AMMECR1L: variants seen among roughly 807,000 people sequenced by gnomAD.
AMMECR1L encodes AMMECR1 like.
Under a neutral mutation model 36.8 loss-of-function variants are expected in AMMECR1L, and 4 were observed. The observed-to-expected ratio is 0.11, with a 90% confidence interval of 0.05 to 0.25. The LOEUF (loss-of-function observed/expected upper bound fraction) is 0.25, where lower values mean the gene tolerates loss of function less well. AMMECR1L is among the 10% of genes least tolerant of loss of function. AMMECR1L has a pLI of 1.00. For missense variants in AMMECR1L, 232 were observed against 392.1 expected (o/e 0.59, Z 3.45); for synonymous variants, 147 against 148.0 (o/e 0.99, Z 0.05).
Position 127,865,347 on chromosome 2 carries a change from TGAAA to T in AMMECR1L, c.822-146_822-143del. 1 of 533,966 alleles carries T rather than the reference TGAAA, an allele frequency of 1.9e-6. No individual in the cohort carries two copies. The highest frequency in any genetic ancestry group is 3.2e-5 in the East Asian group (1 of 30,876). 33.1% of individuals were successfully genotyped at this position (533,966 alleles called of 1,614,324 possible). On this transcript the variant is annotated intron_variant, in intron 7 of 7. Transcript: ENST00000272647. The surrounding 1 kb of genome is among the most constrained non-coding windows in gnomAD (Gnocchi z 5.4). The stretch of plus-strand genomic sequence containing the variant: ...CAAGAGCAATCTTACTTACAGAAAA[TGAAA>T]GACAGCACAAGAAAACAATGTTGTT...
chr2:127,865,768 C>G lies in AMMECR1L; in HGVS notation c.822-563G>C, dbSNP rs923442484. On this transcript the variant is annotated intron_variant, in intron 7 of 7. Coordinates refer to ENST00000272647, the MANE Select transcript of AMMECR1L (RefSeq NM_001199140.2). This position sits in a 1 kb window ranked among gnomAD's most constrained non-coding sequence, Gnocchi z 5.4. ...CACTCCCCAGATGAATATGCCATAT[C>G]ACAGGGTCGTCAGAACAGAATTCAT... Among the ~76,000 whole-genome samples the G allele has an allele frequency of 2.0e-5, 3 of 152,228 alleles. No individual in the cohort carries two copies. Among genetic ancestry groups the G allele is most frequent in the African/African-American group, 7.2e-5 (3 of 41,440 alleles).
intron 2 of AMMECR1L, among the ~76,000 whole-genome samples, chr2:127,878,714 C>A (rs979247325): frequency 3.3e-5 from 5 of 152,150 alleles, no homozygotes; most frequent in African/African-American, 4.8e-5. Flanking sequence ...GTTTACAGTT[C>A]CCCAACATCT....
Position 127,869,349 on chromosome 2 carries a change from C to A in AMMECR1L, c.724+105G>T. 1 of 1,097,298 alleles carries A rather than the reference C, an allele frequency of 9.1e-7. No individual in the cohort carries two copies. The highest frequency in any genetic ancestry group is 1.4e-6 in the Non-Finnish European group (1 of 724,682). The allele number at this position is 1,097,298 out of a possible 1,614,324, so 68.0% of individuals were successfully genotyped here. On this transcript the variant is annotated intron_variant, in intron 6 of 7. Transcript: ENST00000272647. The surrounding 1 kb of genome is among the most constrained non-coding windows in gnomAD (Gnocchi z 4.7). Reference sequence around the variant, plus strand: ...ATTAAGAGGCAGAAAGGCCCTCATTCTCAGCTGCAGTTGGGCTGCAAGATG... The same window carrying A: ...ATTAAGAGGCAGAAAGGCCCTCATTATCAGCTGCAGTTGGGCTGCAAGATG...
chr2:127,876,746 C>T (rs942944401), intron 2 of AMMECR1L, among the ~76,000 whole-genome samples: 1 of 151,996 alleles, frequency 6.6e-6, no homozygotes, highest in South Asian at 2.1e-4. Flanking sequence ...GGCCAGGCGC[C>T]CTGGCTCACG....
At chr2:127,883,223 A>G (rs1691598950) in intron 2 of AMMECR1L, among the ~76,000 whole-genome samples, 1 of 151,898 alleles carries the variant, frequency 6.6e-6, no homozygotes, top group Non-Finnish European at 1.5e-5. Flanking sequence ...CAGCCTCCCA[A>G]GTAGCTGAGG....
chr2:127,880,392 C>G (rs997542236), intron 2 of AMMECR1L, among the ~76,000 whole-genome samples: 6 of 152,186 alleles, frequency 3.9e-5, no homozygotes, highest in Non-Finnish European at 7.4e-5. Context: ...GCAGAAATCA[C>G]AGCAACCACT....
intron 6 of AMMECR1L, 144 bp from the exon 7 acceptor site, chr2:127,867,140 C>T (rs756828249): frequency 7.8e-5 from 115 of 1,468,600 alleles, no homozygotes; most frequent in African/African-American, 1.8e-4. Flanking sequence ...CTGACCCCCA[C>T]GTACCTGGCG....
In AMMECR1L at chr2:127,885,144, C is replaced by T. The variant is rs1280136305; in HGVS notation, c.-149+666G>A. 8.1e-6 allele frequency: 8 copies of T among 984,590 alleles called. No individual in the cohort carries two copies. In the South Asian group the frequency reaches 3.8e-4, roughly 46 times the overall value. 61.0% of individuals were successfully genotyped at this position (984,590 alleles called of 1,614,324 possible). A position where few individuals can be genotyped will look rare whatever the true frequency, so the allele number is the denominator to read the frequency against. On this transcript the variant is annotated intron_variant, in intron 1 of 7. Transcript: ENST00000272647. ...GGTGGACGGATCATGGAATGGGGGG[C>T]CAGCGGAGGTTAAGGAAGGAGGGCC... is the stretch of plus-strand genomic sequence containing the variant.
intron 2 of AMMECR1L, among the ~76,000 whole-genome samples, chr2:127,882,890 CTG>C (rs1011645259): frequency 2.0e-5 from 3 of 150,024 alleles, no homozygotes; most frequent in Admixed American, 2.0e-4. Flanking sequence ...GCATGAGTGA[CTG>C]TGCCCAGAAT....
In AMMECR1L at chr2:127,874,447, A is replaced by T. The variant is rs879030279; in HGVS notation, c.-38-175T>A. ...ACCCCTAACCTTTTCCTAAAAGAGA[A>T]TTTTTATTTTCCATAAAATTTCCAG... On this transcript the variant is annotated intron_variant, in intron 2 of 7. Transcript: ENST00000272647. This position sits in a 1 kb window ranked among gnomAD's most constrained non-coding sequence, Gnocchi z 5.2. Among the ~76,000 whole-genome samples the T allele has an allele frequency of 6.6e-6, 1 of 152,152 alleles. No homozygotes were observed. Among genetic ancestry groups the T allele is most frequent in the South Asian group, 2.1e-4 (1 of 4,826 alleles).
Position 127,883,386 on chromosome 2 carries a change from C to T in AMMECR1L, c.-39+817G>A, listed in dbSNP as rs144200953. Among the ~76,000 whole-genome samples the T allele has an allele frequency of 8.5e-5, 13 of 152,282 alleles. No homozygotes were observed. The East Asian group carries it at 2.5e-3, about 29-fold the overall frequency. On this transcript the variant is annotated intron_variant, in intron 2 of 7. Coordinates refer to ENST00000272647, the MANE Select transcript of AMMECR1L (RefSeq NM_001199140.2). ...CTGGGATTACAGGCTTGAGCCACTGCGCCTGGCCAGAACTATACATTTTCA... is the reference window on the plus strand; with the variant it reads ...CTGGGATTACAGGCTTGAGCCACTGTGCCTGGCCAGAACTATACATTTTCA...
intron 2 of AMMECR1L, among the ~76,000 whole-genome samples, chr2:127,878,140 C>T (rs781512851): frequency 6.6e-6 from 1 of 152,048 alleles, no homozygotes; most frequent in Non-Finnish European, 1.5e-5. Flanking sequence ...ATCTTGCCAA[C>T]AAAAATGGAG....
chr2:127,876,214 G>A (rs1691236298), intron 2 of AMMECR1L, among the ~76,000 whole-genome samples: 1 of 152,078 alleles, frequency 6.6e-6, no homozygotes, highest in South Asian at 2.1e-4. Context: ...GCTGAGCATG[G>A]TGGCACATGT....
In AMMECR1L at chr2:127,882,932, G is replaced by T. The variant is rs10199941; in HGVS notation, c.-39+1271C>A. On this transcript the variant is annotated intron_variant, in intron 2 of 7. Coordinates refer to ENST00000272647, the MANE Select transcript of AMMECR1L (RefSeq NM_001199140.2). ...TTTTTTTTTTTTTTTTTAAAGAGATGAAGTCTTGCTATGCTGCCCAGGCTG... is the reference window on the plus strand; with the variant it reads ...TTTTTTTTTTTTTTTTTAAAGAGATTAAGTCTTGCTATGCTGCCCAGGCTG... Among the ~76,000 whole-genome samples the T allele has an allele frequency of 2.2e-3, 302 of 137,184 alleles. 2 individuals are homozygous for T. The highest frequency in any genetic ancestry group is 7.8e-3 in the African/African-American group (286 of 36,546). 90.0% of individuals were successfully genotyped at this position (137,184 alleles called of 152,430 possible). A position where few individuals can be genotyped will look rare whatever the true frequency, so the allele number is the denominator to read the frequency against.
chr2:127,867,619 G>A (rs926293968), intron 6 of AMMECR1L, among the ~76,000 whole-genome samples: 2 of 152,066 alleles, frequency 1.3e-5, no homozygotes, highest in Admixed American at 6.5e-5. Flanking sequence ...TGTGGGATGC[G>A]CCTGTAGTCC....
In AMMECR1L at chr2:127,869,593, G is replaced by C. The variant is rs776219566; in HGVS notation, c.634-49C>G. On this transcript the variant is annotated intron_variant, in intron 5 of 7. Transcript: ENST00000272647. This position sits in a 1 kb window ranked among gnomAD's most constrained non-coding sequence, Gnocchi z 4.7. ...TAAATGGCATTTACTTACTCTAATG[G>C]AACTTCAGTCCCCACATATAAATCA... is the stretch of plus-strand genomic sequence containing the variant. 2.1e-6 allele frequency: 3 copies of C among 1,432,226 alleles called. No homozygotes were observed. In the African/African-American group the frequency reaches 4.2e-5, roughly 20 times the overall value. 88.7% of individuals were successfully genotyped at this position (1,432,226 alleles called of 1,614,324 possible).
rs896323774 is a variant in AMMECR1L, at chr2:127,864,864, C to A, written c.*230G>T. On this transcript the variant is annotated 3_prime_UTR_variant, in exon 8 of 8. Transcript: ENST00000272647. ...ATGGAGGAGCCCCAATCCAACGGAA[C>A]CCCATATTGAGGAAAGGCTGAGATA... is the stretch of plus-strand genomic sequence containing the variant. The A allele has an allele frequency of 1.9e-5, 7 of 359,592 alleles. No homozygotes were observed. Among genetic ancestry groups the A allele is most frequent in the African/African-American group, 4.2e-5 (2 of 47,430 alleles). 22.3% of individuals were successfully genotyped at this position (359,592 alleles called of 1,614,324 possible).
At chr2:127,880,671 A>C (rs550275656) in intron 2 of AMMECR1L, among the ~76,000 whole-genome samples, 577 of 152,092 alleles carry the variant, frequency 3.8e-3, no homozygotes, top group Middle Eastern at 0.02. Context: ...ACAACTTAAA[A>C]ATTTCAGCCA....
At chr2:127,870,749 G>A in intron 5 of AMMECR1L, 65 bp downstream of exon 5, 2 of 1,243,842 alleles carry the variant, frequency 1.6e-6, no homozygotes, top group Non-Finnish European at 2.3e-6. Context: ...GAGATACATT[G>A]CCATGTACTA....
Sources: gnomAD v4.1 joint callset for allele counts (sites outside exome capture counted in the v4.1 genomes callset) on GRCh38, gnomAD v4.1.1 for gene constraint, Gnocchi (gnomAD v3.1) non-coding constraint, MANE v1.5 for transcripts, NCBI Gene and HGNC (gene_info 2026-07-23, HGNC 2026-07-21) for gene names.